The following CGNL1 variants were observed in gnomAD, a reference collection of about 807,000 sequenced individuals.
CGNL1 encodes cingulin-like protein 1.
CGNL1 carries 132 observed loss-of-function variants against 141.2 expected under a neutral mutation model. That is an observed-to-expected ratio of 0.93 (90% CI 0.81 to 1.08). The LOEUF is 1.08. Among genes scored for constraint, CGNL1 ranks in the 50% least tolerant of loss-of-function variants. The probability of loss-of-function intolerance (pLI) is 0.00; values close to 1 mark genes in which losing one functional copy is unlikely to be tolerated. For missense variants in CGNL1, 1,870 were observed against 1,588.6 expected (o/e 1.18, Z -3.01); for synonymous variants, 690 against 622.1 (o/e 1.11, Z -1.63).
At chr15:57,390,641 T>C (rs2062532303) in intron 1 of CGNL1, among the ~76,000 whole-genome samples, 1 of 152,140 alleles carries the variant, frequency 6.6e-6, no homozygotes, top group African/African-American at 2.4e-5. Context: ...TTGCGAGACC[T>C]AGGCTGACTG....
At chr15:57,387,332 A>G (rs2062495150) in intron 1 of CGNL1, among the ~76,000 whole-genome samples, 1 of 152,180 alleles carries the variant, frequency 6.6e-6, no homozygotes, top group Non-Finnish European at 1.5e-5. Context: ...CAGTGTCATC[A>G]GGCCTGTGGT....
At chr15:57,535,548 C>T (rs774668075) in intron 14 of CGNL1, among the ~76,000 whole-genome samples, 11 of 152,052 alleles carry the variant, frequency 7.2e-5, no homozygotes, top group Non-Finnish European at 1.3e-4. Flanking sequence ...ATGGTGTGAA[C>T]AAAGACTGGG....
rs140431684 is a variant in CGNL1 at position 57,398,996 on chromosome 15, A to G, written c.-16+22429A>G. Among the ~76,000 whole-genome samples the G allele has an allele frequency of 6.3e-3, 962 of 152,332 alleles. 6 individuals carry two copies. The highest frequency in any genetic ancestry group is 0.022 in the African/African-American group (931 of 41,564). ...CTTTTGAGTTGGCACATAATTGTAC[A>G]TACTTATGAGAAAACAAAGTGATAT... is the stretch of plus-strand genomic sequence containing the variant. On this transcript the variant is annotated intron_variant, in intron 1 of 18. Transcript: ENST00000281282.
chr15:57,544,419 T>C, intron 15 of CGNL1, 54 bp from the exon 16 acceptor site: 1 of 1,609,890 alleles, frequency 6.2e-7, no homozygotes, highest in East Asian at 2.2e-5. Context: ...TTCGCTGCTC[T>C]GCACAGAGCG....
chr15:57,449,512 A>G (rs1480281945), intron 4 of CGNL1, among the ~76,000 whole-genome samples: 1 of 152,174 alleles, frequency 6.6e-6, no homozygotes, highest in African/African-American at 2.4e-5. Context: ...TTAGCATCCT[A>G]TAGCATGGAG....
Position 57,439,000 on chromosome 15 carries a change from A to G in CGNL1, c.1001A>G (p.Tyr334Cys). ...DNVNRHENRR[Y>C]IPFLPGTGRD... is the part of the protein sequence containing the mutation. ...GTCAATCGTCATGAAAACAGAAGGTATATTCCCTTCCTGCCAGGAACTGGA... is the reference window on the plus strand; with the variant it reads ...GTCAATCGTCATGAAAACAGAAGGTGTATTCCCTTCCTGCCAGGAACTGGA... The change falls in exon 2 of 19, where the codon TAT becomes TGT. Residue 334 changes from tyrosine (Y) to cysteine (C), a missense_variant. Transcript: ENST00000281282. 1.2e-6 allele frequency: 2 copies of G among 1,614,214 alleles called. No individual in the cohort carries two copies. Among genetic ancestry groups the G allele is most frequent in the Non-Finnish European group, 1.7e-6 (2 of 1,180,034 alleles).
At chr15:57,494,828 G>A (rs2063914410) in intron 8 of CGNL1, among the ~76,000 whole-genome samples, 1 of 152,194 alleles carries the variant, frequency 6.6e-6, no homozygotes, top group Non-Finnish European at 1.5e-5. Context: ...GTCTAGGCAT[G>A]AGCTCAGACA....
intron 1 of CGNL1, among the ~76,000 whole-genome samples, chr15:57,384,673 TTTTC>T (rs143070047): frequency 0.28 from 42,590 of 152,090 alleles, 7,405 homozygotes; most frequent in East Asian, 0.56. Context: ...ATAAACTTTA[TTTTC>T]TTTCTTTTTT....
At chr15:57,497,247 G>A (rs2063952979) in intron 8 of CGNL1, among the ~76,000 whole-genome samples, 1 of 152,164 alleles carries the variant, frequency 6.6e-6, no homozygotes, top group Non-Finnish European at 1.5e-5. Context: ...TTTGGCAAGA[G>A]GGCCTCTTTG....
rs1454449377 is a variant in CGNL1, at chr15:57,550,340, G to A, written c.*2850G>A. ...GATTAGTGCCCACGGTCCTTTCCAGGTATAACATGCTATCGTTCTTTAATT... is the reference window on the plus strand; with the variant it reads ...GATTAGTGCCCACGGTCCTTTCCAGATATAACATGCTATCGTTCTTTAATT... On this transcript the variant is annotated 3_prime_UTR_variant, in exon 19 of 19. Coordinates refer to ENST00000281282, the MANE Select transcript of CGNL1 (RefSeq NM_032866.5). 6.6e-6 allele frequency: 1 copy of A among 152,592 alleles called. No individual in the cohort carries two copies. The highest frequency in any genetic ancestry group is 2.4e-5 in the African/African-American group (1 of 41,426). The allele number at this position is 152,592 out of a possible 1,614,324, so 9.5% of individuals were successfully genotyped here. A position where few individuals can be genotyped will look rare whatever the true frequency, so the allele number is the denominator to read the frequency against.
At chr15:57,419,533 G>A (rs1370701492) in intron 1 of CGNL1, among the ~76,000 whole-genome samples, 1 of 152,016 alleles carries the variant, frequency 6.6e-6, no homozygotes, top group Non-Finnish European at 1.5e-5. Flanking sequence ...TGTTTTTGAT[G>A]ACCTTGACAG....
chr15:57,455,461 A>AG (rs1567129502), intron 7 of CGNL1, among the ~76,000 whole-genome samples: 1 of 152,196 alleles, frequency 6.6e-6, no homozygotes, highest in Admixed American at 6.5e-5. Flanking sequence ...AGTAACTGAC[A>AG]GCTGTCACTG....
chr15:57,392,983 G>A (rs1450927910), intron 1 of CGNL1, among the ~76,000 whole-genome samples: 1 of 152,104 alleles, frequency 6.6e-6, no homozygotes, highest in Non-Finnish European at 1.5e-5. Context: ...TATGCCTGTT[G>A]GTGAGATGAA....
At chr15:57,524,548 AGGG>A in intron 11 of CGNL1, 30 bp from the exon 12 acceptor site, 1 of 1,593,272 alleles carries the variant, frequency 6.3e-7, no homozygotes, top group Non-Finnish European at 8.5e-7. Flanking sequence ...AGAGCATCCC[AGGG>A]TGGGCTCACA....
At position 57,437,997 on chromosome 15, in the gene CGNL1, A is replaced by C; in HGVS notation, c.-3A>C. 1.2e-6 allele frequency: 2 copies of C among 1,608,224 alleles called. No homozygotes were observed. The highest frequency in any genetic ancestry group is 1.7e-6 in the Non-Finnish European group (2 of 1,178,540). On this transcript the variant is annotated 5_prime_UTR_variant, in exon 2 of 19. Transcript: ENST00000281282. ...CTCTCCCTGGTAGCTGGAACAGTGAACCATGGAGCTGTATTTCGGTGAATA... is the reference window on the plus strand; with the variant it reads ...CTCTCCCTGGTAGCTGGAACAGTGACCCATGGAGCTGTATTTCGGTGAATA...
chr15:57,532,898 C>T (rs1420393797), intron 14 of CGNL1, among the ~76,000 whole-genome samples: 1 of 152,160 alleles, frequency 6.6e-6, no homozygotes, highest in Admixed American at 6.5e-5. Flanking sequence ...ATGTTTTTGT[C>T]TTCTTTTTCA....
chr15:57,453,724 A>T lies in CGNL1; in HGVS notation c.2096A>T (p.Glu699Val). Residue 699 changes from glutamate (E) to valine (V), a missense_variant, in exon 7 of 19, where the codon GAG becomes GTG. By Grantham distance (121) the Glu-to-Val change is moderately radical (BLOSUM62 -2). Coordinates refer to ENST00000281282, the MANE Select transcript of CGNL1 (RefSeq NM_032866.5). ...VKMEREQHQTEIRDLQDQLSE... is the reference protein window; with the variant it reads ...VKMEREQHQTVIRDLQDQLSE... ...ATGGAACGGGAGCAGCATCAGACTGAGATCAGGGATCTCCAGGACCAGCTC... is the reference window on the plus strand; with the variant it reads ...ATGGAACGGGAGCAGCATCAGACTGTGATCAGGGATCTCCAGGACCAGCTC... The T allele has an allele frequency of 6.2e-7, 1 of 1,613,964 alleles. No individual in the cohort carries two copies. The highest frequency in any genetic ancestry group is 8.5e-7 in the Non-Finnish European group (1 of 1,179,924).
chr15:57,509,133 G>T (rs112211227), intron 8 of CGNL1, among the ~76,000 whole-genome samples: 7 of 152,122 alleles, frequency 4.6e-5, no homozygotes, highest in African/African-American at 1.7e-4. Flanking sequence ...GAAAGCAGAC[G>T]TCCACAGACA....
chr15:57,541,563 G>T (rs991416783), intron 14 of CGNL1, among the ~76,000 whole-genome samples: 10 of 152,230 alleles, frequency 6.6e-5, no homozygotes, highest in Non-Finnish European at 1.2e-4. Flanking sequence ...GACGTGCCCT[G>T]CCTGCTGGTC....
Sources: gnomAD v4.1 joint callset for allele counts (sites outside exome capture counted in the v4.1 genomes callset) on GRCh38, gnomAD v4.1.1 for gene constraint, MANE v1.5 for transcripts, NCBI Gene and HGNC (gene_info 2026-07-23, HGNC 2026-07-21) for gene names.